Variants in CAMK4 observed in about 807,000 individuals in gnomAD.
CAMK4 encodes calcium/calmodulin dependent protein kinase IV, also known as calcium/calmodulin-dependent protein kinase type IV.
In CAMK4, 22 loss-of-function variants were observed where a neutral mutation model predicts 44.9. The ratio of observed to expected loss-of-function variants is 0.49; its 90% CI spans 0.35 to 0.70. The LOEUF is 0.70. CAMK4 is among the 30% of genes least tolerant of loss of function. The pLI is 0.01. For synonymous variants in CAMK4, 218 were observed against 215.4 expected (o/e 1.01, Z -0.11); for missense variants, 498 against 586.8 (o/e 0.85, Z 1.56).
intron 1 of CAMK4, chr5:111,265,926 A>C (rs1276059419): frequency 6.6e-6 from 1 of 152,210 alleles, no homozygotes; most frequent in Non-Finnish European, 1.5e-5. Flanking sequence ...GCATCAGCAT[A>C]AAGTTTTGGA....
intron 1 of CAMK4, among the ~76,000 whole-genome samples, chr5:111,305,023 A>G (rs1389562096): frequency 1.5e-5 from 1 of 64,788 alleles, no homozygotes; most frequent in Non-Finnish European, 3.0e-5. Context: ...ATGAAGGCAG[A>G]AATAAAGATG....
chr5:111,439,768 G>C (rs1753763545), intron 5 of CAMK4, among the ~76,000 whole-genome samples: 1 of 152,126 alleles, frequency 6.6e-6, no homozygotes, highest in Non-Finnish European at 1.5e-5. Context: ...AAAGCAGAGG[G>C]TCCTAAGCAA....
chr5:111,445,395 A>G (rs1753990262), intron 5 of CAMK4, among the ~76,000 whole-genome samples: 1 of 152,032 alleles, frequency 6.6e-6, no homozygotes, highest in Non-Finnish European at 1.5e-5. Context: ...GTATATACAT[A>G]TGTAGTCTTT....
intron 1 of CAMK4, among the ~76,000 whole-genome samples, chr5:111,295,839 G>A (rs1747459223): frequency 6.6e-6 from 1 of 152,104 alleles, no homozygotes; most frequent in Non-Finnish European, 1.5e-5. Flanking sequence ...TTTCGGTTTT[G>A]GTCACGTGGT....
At chr5:111,363,608 G>GTATGTGTGTATGTGTGTATGTTT (rs1427918518) in intron 2 of CAMK4, among the ~76,000 whole-genome samples, 1 of 152,048 alleles carries the variant, frequency 6.6e-6, no homozygotes, top group Non-Finnish European at 1.5e-5. Flanking sequence ...TGTGTATGTT[G>GTATGTGTGTATGTGTGTATGTTT]TATGTGTGTT....
At chr5:111,313,883 A>G (rs1205298239) in intron 1 of CAMK4, among the ~76,000 whole-genome samples, 1 of 152,026 alleles carries the variant, frequency 6.6e-6, no homozygotes, top group Non-Finnish European at 1.5e-5. Flanking sequence ...ACTTTAATAT[A>G]TGCTCTTTTA....
intron 1 of CAMK4, among the ~76,000 whole-genome samples, chr5:111,231,795 C>T (rs2112497244): frequency 6.6e-6 from 1 of 152,154 alleles, no homozygotes; most frequent in African/African-American, 2.4e-5. Flanking sequence ...ATTGTATATG[C>T]CATAAATAGA....
intron 5 of CAMK4, among the ~76,000 whole-genome samples, chr5:111,432,795 C>T (rs1753505333): frequency 6.6e-6 from 1 of 151,844 alleles, no homozygotes. Context: ...ACCAGAGATA[C>T]TCATTTAGCT....
chr5:111,348,197 G>T (rs1749945030), intron 2 of CAMK4, among the ~76,000 whole-genome samples: 1 of 151,948 alleles, frequency 6.6e-6, no homozygotes, highest in Non-Finnish European at 1.5e-5. Context: ...TAATTAGGAA[G>T]AATTTAGTTT....
chr5:111,271,274 T>C (rs1750504270), intron 1 of CAMK4, among the ~76,000 whole-genome samples: 1 of 152,232 alleles, frequency 6.6e-6, no homozygotes, highest in South Asian at 2.1e-4. Context: ...CATTTTAAAC[T>C]GTGAGACCTT....
chr5:111,476,114 C>A (rs190560000), intron 8 of CAMK4, among the ~76,000 whole-genome samples: 146 of 151,186 alleles, frequency 9.7e-4, no homozygotes, highest in African/African-American at 3.5e-3. Context: ...AACTCTGGGG[C>A]TGTTTTTTTT....
At chr5:111,448,240 A>G in intron 6 of CAMK4, among the ~76,000 whole-genome samples, 1 of 152,220 alleles carries the variant, frequency 6.6e-6, no homozygotes, top group East Asian at 1.9e-4. Context: ...AAGGATTCTT[A>G]CCAAAAAAAT....
chr5:111,480,034 A>T (rs1013621441), intron 9 of CAMK4, among the ~76,000 whole-genome samples: 3 of 151,654 alleles, frequency 2.0e-5, no homozygotes, highest in Non-Finnish European at 4.4e-5. Flanking sequence ...TCCAAAACCC[A>T]TAACAAGATC....
At chr5:111,266,717 G>T (rs1440066633) in intron 1 of CAMK4, among the ~76,000 whole-genome samples, 3 of 152,198 alleles carry the variant, frequency 2.0e-5, no homozygotes, top group Non-Finnish European at 4.4e-5. Flanking sequence ...AAGCCCTGTG[G>T]CATATGGTTT....
chr5:111,256,276 G>A (rs1212201690), intron 1 of CAMK4, among the ~76,000 whole-genome samples: 1 of 152,190 alleles, frequency 6.6e-6, no homozygotes, highest in East Asian at 1.9e-4. Context: ...ATTAGGTATG[G>A]TGGTGCTATG....
rs376510126 is a variant in CAMK4 at position 111,450,314 on chromosome 5, A to G, written c.625+1111A>G. Among the ~76,000 whole-genome samples, 48 of 152,298 alleles carry G rather than the reference A, an allele frequency of 3.2e-4. 1 individual carries two copies. In the East Asian group the frequency reaches 3.7e-3, roughly 12 times the overall value. ...GCACCACTGCACTACAGCCTGGGCGACAGAGACTCCATCTCTAAAAACAAA... is the reference window on the plus strand; with the variant it reads ...GCACCACTGCACTACAGCCTGGGCGGCAGAGACTCCATCTCTAAAAACAAA... On this transcript the variant is annotated intron_variant, in intron 7 of 10. Transcript: ENST00000282356.
chr5:111,414,828 G>T (rs1037588690), intron 5 of CAMK4, among the ~76,000 whole-genome samples: 1 of 152,072 alleles, frequency 6.6e-6, no homozygotes, highest in Non-Finnish European at 1.5e-5. Context: ...AATGAGACCT[G>T]TATAAATAAA....
intron 8 of CAMK4, among the ~76,000 whole-genome samples, chr5:111,476,407 A>G (rs1755245108): frequency 6.6e-6 from 1 of 151,682 alleles, no homozygotes; most frequent in African/African-American, 2.4e-5. Flanking sequence ...CCCCCCGAGT[A>G]CCTGGGATTA....
At chr5:111,401,696 C>A (rs1326242567) in intron 5 of CAMK4, among the ~76,000 whole-genome samples, 2 of 152,138 alleles carry the variant, frequency 1.3e-5, no homozygotes. Context: ...ACTAGATACT[C>A]AAAAACGGAA....
Sources: gnomAD v4.1 joint callset for allele counts (sites outside exome capture counted in the v4.1 genomes callset) on GRCh38, gnomAD v4.1.1 for gene constraint, MANE v1.5 for transcripts, NCBI Gene and HGNC (gene_info 2026-07-23, HGNC 2026-07-21) for gene names.